ZDHHC17: variants seen among roughly 807,000 people sequenced by gnomAD.
ZDHHC17 encodes the protein zDHHC palmitoyltransferase 17.
In ZDHHC17, 40 loss-of-function variants were observed where a neutral mutation model predicts 90.3. The ratio of observed to expected loss-of-function variants is 0.44; its 90% CI spans 0.34 to 0.58. The LOEUF (loss-of-function observed/expected upper bound fraction) is 0.58, where lower values mean the gene tolerates loss of function less well. ZDHHC17 is among the 20% of genes least tolerant of loss of function. The pLI is 0.01. For synonymous variants in ZDHHC17, 235 were observed against 252.4 expected (o/e 0.93, Z 0.65); for missense variants, 614 against 780.8 (o/e 0.79, Z 2.55).
At chr12:76,766,424 C>T (rs949333613) in intron 1 of ZDHHC17, among the ~76,000 whole-genome samples, 8 of 152,260 alleles carry the variant, frequency 5.3e-5, no homozygotes, top group Non-Finnish European at 8.8e-5. Context: ...GCTATGAATA[C>T]GTCTCTGAGT....
intron 7 of ZDHHC17, among the ~76,000 whole-genome samples, chr12:76,820,821 A>G (rs1486092614): frequency 2.6e-5 from 4 of 152,190 alleles, no homozygotes; most frequent in South Asian, 2.1e-4. Context: ...TACATAGTCT[A>G]TAATTACTCC....
At chr12:76,821,743 A>G (rs1224045696) in intron 7 of ZDHHC17, among the ~76,000 whole-genome samples, 1 of 152,178 alleles carries the variant, frequency 6.6e-6, no homozygotes, top group Non-Finnish European at 1.5e-5. Flanking sequence ...AAAATTGGGA[A>G]TGCTTATTTG....
chr12:76,845,581 A>T (rs1736059205), intron 12 of ZDHHC17, 128 bp from the exon 13 acceptor site: 3 of 385,430 alleles, frequency 7.8e-6, no homozygotes, highest in South Asian at 1.1e-4. Flanking sequence ...TCATTTGGAA[A>T]CCTTGATATA....
intron 1 of ZDHHC17, chr12:76,768,974 G>T: frequency 1.1e-5 from 2 of 181,904 alleles, no homozygotes; most frequent in Non-Finnish European, 2.4e-5. Flanking sequence ...TATTTCTGAT[G>T]ATTTCTGTTT....
chr12:76,813,474 C>G (rs1175715338), intron 5 of ZDHHC17: 2 of 336,534 alleles, frequency 5.9e-6, no homozygotes, highest in Non-Finnish European at 1.2e-5. Flanking sequence ...TAATGACATC[C>G]AAGGAAATGC....
chr12:76,799,523 T>C (rs1461101248), intron 2 of ZDHHC17, among the ~76,000 whole-genome samples: 1 of 152,180 alleles, frequency 6.6e-6, no homozygotes, highest in African/African-American at 2.4e-5. Flanking sequence ...CAGGAAGAGC[T>C]TCAGACTTCC....
chr12:76,765,917 GTCTTGAAC>G (rs1565751788), intron 1 of ZDHHC17, among the ~76,000 whole-genome samples: 1 of 152,132 alleles, frequency 6.6e-6, no homozygotes, highest in Admixed American at 6.5e-5. Context: ...GTCTAGGCTG[GTCTTGAAC>G]TCTTGAACTC....
Position 76,809,068 on chromosome 12 carries a change from G to T in ZDHHC17, c.346G>T (p.Val116Leu). ...ATACTATATTTCGAAAGGTGCTATT[G>T]TGGATCAACTTGGAGGGGACCTGAA... is the stretch of plus-strand genomic sequence containing the variant. ...VKYYISKGAIVDQLGGDLNST... is the reference protein window; with the variant it reads ...VKYYISKGAILDQLGGDLNST... Residue 116 changes from valine (V) to leucine (L), a missense_variant, in exon 4 of 17, where the codon GTG becomes TTG. Physicochemically the swap from Val to Leu is conservative, Grantham distance 32. Coordinates refer to ENST00000426126, the MANE Select transcript of ZDHHC17 (RefSeq NM_015336.4). The T allele has an allele frequency of 1.3e-6, 2 of 1,567,086 alleles. No individual in the cohort carries two copies. Among genetic ancestry groups the T allele is most frequent in the Non-Finnish European group, 1.7e-6 (2 of 1,157,664 alleles).
chr12:76,842,219 A>G, intron 11 of ZDHHC17, 113 bp downstream of exon 11: 1 of 1,148,656 alleles, frequency 8.7e-7, no homozygotes, highest in Non-Finnish European at 1.1e-6. Flanking sequence ...AGAAGTTTTA[A>G]GCTAAATTGA....
intron 1 of ZDHHC17, among the ~76,000 whole-genome samples, chr12:76,767,109 T>G (rs1235914052): frequency 2.0e-5 from 3 of 152,066 alleles, no homozygotes; most frequent in Non-Finnish European, 1.5e-5. Context: ...ATGTTGAGGG[T>G]CAAGAACTGG....
intron 1 of ZDHHC17, among the ~76,000 whole-genome samples, chr12:76,780,971 CAAAA>C (rs1301468887): frequency 7.2e-6 from 1 of 138,982 alleles, no homozygotes; most frequent in Admixed American, 7.2e-5. Context: ...ACTAAAAATA[CAAAA>C]AAAAAAAAAT....
intron 1 of ZDHHC17, chr12:76,781,499 T>C (rs1303941575): frequency 2.5e-6 from 1 of 406,526 alleles, no homozygotes; most frequent in East Asian, 7.1e-5. Context: ...CATGAATGGA[T>C]TAATGTCCTT....
chr12:76,787,862 C>G (rs570860697), intron 1 of ZDHHC17, among the ~76,000 whole-genome samples: 1 of 152,192 alleles, frequency 6.6e-6, no homozygotes, highest in African/African-American at 2.4e-5. Context: ...CTAAACAACT[C>G]TCAGAATCAT....
chr12:76,843,926 A>G (rs1468042891), intron 12 of ZDHHC17: 1 of 152,152 alleles, frequency 6.6e-6, no homozygotes, highest in Non-Finnish European at 1.5e-5. Flanking sequence ...TGAATATTCA[A>G]AATATATACA....
At chr12:76,845,490 A>G in intron 12 of ZDHHC17, 1 of 259,306 alleles carries the variant, frequency 3.9e-6, no homozygotes, top group Non-Finnish European at 7.2e-6. Context: ...TTAAGAGCAT[A>G]TTTTCTAGAG....
chr12:76,794,674 T>C (rs1212587745), intron 1 of ZDHHC17, among the ~76,000 whole-genome samples: 2 of 151,994 alleles, frequency 1.3e-5, no homozygotes, highest in African/African-American at 2.4e-5. Context: ...AATTTTAATA[T>C]GTTACTGGAA....
intron 5 of ZDHHC17, among the ~76,000 whole-genome samples, chr12:76,814,156 T>C (rs1286846365): frequency 2.6e-5 from 4 of 152,066 alleles, no homozygotes; most frequent in African/African-American, 9.6e-5. Flanking sequence ...TTTCAGAGCA[T>C]TGAAACTGAT....
intron 1 of ZDHHC17, among the ~76,000 whole-genome samples, chr12:76,787,625 TC>T (rs1259368464): frequency 1.1e-3 from 157 of 149,476 alleles, no homozygotes; most frequent in African/African-American, 3.9e-3. Context: ...TCCCTCTCTC[TC>T]TCTCTCTCTC....
intron 5 of ZDHHC17, among the ~76,000 whole-genome samples, chr12:76,812,651 A>C (rs1953039190): frequency 6.6e-6 from 1 of 151,912 alleles, no homozygotes; most frequent in African/African-American, 2.4e-5. Context: ...TCTTTGATTC[A>C]TGGCTACTAT....
Sources: gnomAD v4.1 joint callset for allele counts (sites outside exome capture counted in the v4.1 genomes callset) on GRCh38, gnomAD v4.1.1 for gene constraint, MANE v1.5 for transcripts, NCBI Gene and HGNC (gene_info 2026-07-23, HGNC 2026-07-21) for gene names.